SLC35D1: variants seen among roughly 807,000 people sequenced by gnomAD.
SLC35D1 encodes solute carrier family 35 member D1, also known as nucleotide sugar transporter SLC35D1.
SLC35D1 carries 31 observed loss-of-function variants against 46.7 expected under a neutral mutation model. That is an observed-to-expected ratio of 0.66 (90% CI 0.50 to 0.90). The LOEUF is 0.90. SLC35D1 is among the 40% of genes least tolerant of loss of function. The pLI is 0.00. For missense variants in SLC35D1, 397 were observed against 426.2 expected, an observed-to-expected ratio of 0.93 and a Z score of 0.60; for synonymous variants, 195 against 164.6, an observed-to-expected ratio of 1.18 and a Z score of -1.41.
At chr1:67,036,209 T>G (rs936146561) in intron 8 of SLC35D1, among the ~76,000 whole-genome samples, 3 of 152,182 alleles carry the variant, frequency 2.0e-5, no homozygotes, top group Non-Finnish European at 4.4e-5. Context: ...TGGTCTACAG[T>G]GCAGATTAAA....
the SLC35D1 span, among the ~76,000 whole-genome samples, chr1:66,975,556 T>A: frequency 6.6e-6 from 1 of 151,788 alleles, no homozygotes; most frequent in Non-Finnish European, 1.5e-5. Flanking sequence ...GGAAAAAAGT[T>A]ATCAGTATTT....
intron 10 of SLC35D1, among the ~76,000 whole-genome samples, chr1:67,015,489 A>G (rs1219497236): frequency 7.2e-6 from 1 of 138,284 alleles, no homozygotes; most frequent in Admixed American, 7.9e-5. Context: ...TCCTGGGTTC[A>G]AGCAATTCTT....
downstream of SLC35D1, among the ~76,000 whole-genome samples, chr1:66,995,844 TG>T (rs1261989444): frequency 6.6e-6 from 1 of 152,242 alleles, no homozygotes; most frequent in Non-Finnish European, 1.5e-5. Flanking sequence ...TTCATAATTC[TG>T]TCATCATTTG....
intron 11 of SLC35D1, among the ~76,000 whole-genome samples, chr1:67,005,967 T>C (rs1667438914): frequency 6.6e-6 from 1 of 152,174 alleles, no homozygotes; most frequent in Non-Finnish European, 1.5e-5. Context: ...ATCACCCCAC[T>C]TGAGGAAAGG....
intron 8 of SLC35D1, among the ~76,000 whole-genome samples, chr1:67,021,945 G>T (rs1436924461): frequency 6.6e-6 from 1 of 152,134 alleles, no homozygotes; most frequent in African/African-American, 2.4e-5. Flanking sequence ...AGCCACATTT[G>T]GCTAATCTCA....
the SLC35D1 span, among the ~76,000 whole-genome samples, chr1:66,992,142 C>T: frequency 6.6e-6 from 1 of 152,128 alleles, no homozygotes; most frequent in East Asian, 1.9e-4. Flanking sequence ...GATATATGGC[C>T]ACAATAAAAT....
chr1:66,997,519 A>AAATATAT (rs1553262615), downstream of SLC35D1, among the ~76,000 whole-genome samples: 329 of 74,028 alleles, frequency 4.4e-3, 8 homozygotes, highest in Admixed American at 0.025. Flanking sequence ...AAAAAAAAAA[A>AAATATAT]ATATATATAT....
chr1:67,042,423 AACAC>A (rs1645200464), intron 7 of SLC35D1, 95 bp from the exon 8 acceptor site: 2 of 981,996 alleles, frequency 2.0e-6, no homozygotes, highest in South Asian at 1.3e-5. Context: ...TAAATACACA[AACAC>A]ACACACCCTC....
the SLC35D1 span, chr1:66,986,584 A>G: frequency 6.5e-5 from 57 of 878,550 alleles, no homozygotes; most frequent in Non-Finnish European, 9.6e-5. Flanking sequence ...TACTGTTAAC[A>G]TATGTTCGGA....
At chr1:67,024,744 G>GC (rs925153580) in intron 8 of SLC35D1, among the ~76,000 whole-genome samples, 1 of 151,296 alleles carries the variant, frequency 6.6e-6, no homozygotes, top group African/African-American at 2.4e-5. Flanking sequence ...TTCCCACCCC[G>GC]CCCCCCAACC....
chr1:66,982,435 A>G, the SLC35D1 span, among the ~76,000 whole-genome samples: 1 of 152,238 alleles, frequency 6.6e-6, no homozygotes, highest in Non-Finnish European at 1.5e-5. Context: ...CTCTCCAAGA[A>G]AAAGAGAAGA....
the SLC35D1 span, among the ~76,000 whole-genome samples, chr1:66,977,833 TA>T: frequency 6.6e-5 from 10 of 151,506 alleles, no homozygotes; most frequent in African/African-American, 1.5e-4. Flanking sequence ...AAAATAAAAA[TA>T]AAAAAAAATT....
Position 67,001,818 on chromosome 1 carries a change from A to C in SLC35D1, c.*2522T>G, listed in dbSNP as rs1328978530. 1 of 152,452 alleles carries C rather than the reference A, an allele frequency of 6.6e-6. No homozygotes were observed. Among genetic ancestry groups the C allele is most frequent in the Non-Finnish European group, 1.5e-5 (1 of 68,092 alleles). The allele number at this position is 152,452 out of a possible 1,614,324, so 9.4% of individuals were successfully genotyped here. ...ATGCTGGTTAGTGGCTGAAGGATGC[A>C]TCCAGGAAGCAGAACACAGACAGGG... On this transcript the variant is annotated 3_prime_UTR_variant, in exon 12 of 12. Coordinates refer to ENST00000235345, the MANE Select transcript of SLC35D1 (RefSeq NM_015139.3).
rs561872720 is a variant in SLC35D1 at position 67,022,828 on chromosome 1, T to C, written c.730-1226A>G. On this transcript the variant is annotated intron_variant, in intron 8 of 11. Transcript: ENST00000235345. ...TCCTTCCAAAGTTCCCTCCTCCCCA[T>C]TGAGTCAATCTCCCCTCCATTTCTA... is the stretch of plus-strand genomic sequence containing the variant. Among the ~76,000 whole-genome samples the C allele has an allele frequency of 1.2e-3, 181 of 152,282 alleles. 1 individual carries two copies. Among genetic ancestry groups the C allele is most frequent in the Admixed American group, 2.6e-3 (40 of 15,296 alleles).
rs1453049945 is a variant in SLC35D1, at chr1:67,002,797, A to G, written c.*1543T>C. 1 of 152,392 alleles carries G rather than the reference A, an allele frequency of 6.6e-6. No homozygotes were observed. The highest frequency in any genetic ancestry group is 1.5e-5 in the Non-Finnish European group (1 of 68,052). The allele number at this position is 152,392 out of a possible 1,614,324, so 9.4% of individuals were successfully genotyped here. On this transcript the variant is annotated 3_prime_UTR_variant, in exon 12 of 12. Transcript: ENST00000235345. Reference sequence around the variant, plus strand: ...GGATTCCAAACCCAATGAAATAGACACTGGTGTGTGCATTAGTGCAAAGGT... The same window carrying G: ...GGATTCCAAACCCAATGAAATAGACGCTGGTGTGTGCATTAGTGCAAAGGT...
At chr1:66,986,304 G>T in the SLC35D1 span, 1 of 1,498,956 alleles carries the variant, frequency 6.7e-7, no homozygotes, top group South Asian at 1.3e-5. Flanking sequence ...TATTTTTAGT[G>T]CTAAATTCTT....
chr1:67,004,401 T>C lies in SLC35D1; in HGVS notation c.1007A>G (p.Gln336Arg). Reference sequence around the variant, plus strand: ...ATTAGCCTCTGACTGTTTGCTCAGCTGCTCTTCAGTGAAAGTGATATAGGA... The same window carrying C: ...ATTAGCCTCTGACTGTTTGCTCAGCCGCTCTTCAGTGAAAGTGATATAGGA... ...VYSYITFTEE[Q>R]LSKQSEANNK... is the part of the protein sequence containing the mutation. The change falls in exon 12 of 12, where the codon CAG becomes CGG. Residue 336 changes from glutamine (Q) to arginine (R), a missense_variant. By Grantham distance (43) the Gln-to-Arg change is conservative. Coordinates refer to ENST00000235345, the MANE Select transcript of SLC35D1 (RefSeq NM_015139.3). The C allele has an allele frequency of 1.2e-6, 2 of 1,614,110 alleles. No individual in the cohort carries two copies. The highest frequency in any genetic ancestry group is 2.2e-5 in the South Asian group (2 of 91,080).
At chr1:66,994,300 CAG>C in the SLC35D1 span, among the ~76,000 whole-genome samples, 1 of 152,124 alleles carries the variant, frequency 6.6e-6, no homozygotes, top group Non-Finnish European at 1.5e-5. Flanking sequence ...CAGTTTGATC[CAG>C]AGAGAAGCTG....
intron 8 of SLC35D1, among the ~76,000 whole-genome samples, chr1:67,022,399 TACCATAC>T (rs1667825410): frequency 6.6e-6 from 1 of 152,198 alleles, no homozygotes; most frequent in Non-Finnish European, 1.5e-5. Flanking sequence ...TTATAAAACA[TACCATAC>T]ACTTTCTTAC....
Sources: allele counts gnomAD v4.1 joint callset (sites outside exome capture counted in the v4.1 genomes callset), GRCh38; gene constraint gnomAD v4.1.1; transcripts MANE v1.5; gene names NCBI Gene and HGNC (gene_info 2026-07-23, HGNC 2026-07-21).